PIEZO2: variants seen among roughly 807,000 people sequenced by gnomAD.
PIEZO2 encodes piezo type mechanosensitive ion channel component 2.
In PIEZO2, 172 loss-of-function variants were observed where a neutral mutation model predicts 337.3. The ratio of observed to expected loss-of-function variants is 0.51; its 90% confidence interval spans 0.45 to 0.58. The LOEUF (loss-of-function observed/expected upper bound fraction) is 0.58, where lower values mean the gene tolerates loss of function less well. Among genes scored for constraint, PIEZO2 ranks in the 20% least tolerant of loss-of-function variants. The probability of loss-of-function intolerance (pLI) is 0.00; values close to 1 mark genes in which losing one functional copy is unlikely to be tolerated. For missense variants in PIEZO2, 3,028 were observed against 3,391.3 expected, an observed-to-expected ratio of 0.89 and a Z score of 2.66; for synonymous variants, 1,251 against 1,228.5, an observed-to-expected ratio of 1.02 and a Z score of -0.38.
At chr18:11,134,819 G>T (rs2040435810) in intron 1 of PIEZO2, among the ~76,000 whole-genome samples, 1 of 152,044 alleles carries the variant, frequency 6.6e-6, no homozygotes, top group African/African-American at 2.4e-5. Flanking sequence ...AAATAAAAAT[G>T]TTTCCCAATA....
At chr18:11,034,683 G>T (rs1358816164) in intron 2 of PIEZO2, among the ~76,000 whole-genome samples, 1 of 152,176 alleles carries the variant, frequency 6.6e-6, no homozygotes, top group Non-Finnish European at 1.5e-5. Flanking sequence ...AGGGTTTTGT[G>T]TGCGTAAAAA....
At chr18:10,725,301 C>A in intron 36 of PIEZO2, 1 of 1,582,728 alleles carries the variant, frequency 6.3e-7, no homozygotes, top group Non-Finnish European at 8.7e-7. Context: ...TGGGTAAATA[C>A]AGCAGAAGGA....
chr18:10,757,303 T>C (rs1179476745), intron 27 of PIEZO2, among the ~76,000 whole-genome samples: 12 of 124,464 alleles, frequency 9.6e-5, no homozygotes, highest in Non-Finnish European at 1.7e-4. Flanking sequence ...AGAATGGGGA[T>C]GAGGGATTAA....
At chr18:11,005,481 T>C (rs887624298) in intron 2 of PIEZO2, among the ~76,000 whole-genome samples, 9 of 152,208 alleles carry the variant, frequency 5.9e-5, no homozygotes, top group African/African-American at 1.7e-4. Context: ...TTCACGCAGA[T>C]TGAGGTTCAG....
In PIEZO2 at chr18:10,920,757, G is replaced by A. The variant is rs556650005; in HGVS notation, c.287-9529C>T. On this transcript the variant is annotated intron_variant, in intron 3 of 55. Coordinates refer to ENST00000674853, the MANE Select transcript of PIEZO2 (RefSeq NM_001378183.1). ...GAACTACTTAAGACAACAAAAGGAG[G>A]TGTAAGAATGTGCAGGCCAGGCACG... 2.6e-5 allele frequency among the ~76,000 whole-genome samples: 4 copies of A among 152,252 alleles called. No individual in the cohort carries two copies. In the East Asian group the frequency reaches 5.8e-4, roughly 22 times the overall value.
intron 2 of PIEZO2, among the ~76,000 whole-genome samples, chr18:11,046,484 G>A (rs1211393820): frequency 6.6e-6 from 1 of 152,226 alleles, no homozygotes; most frequent in East Asian, 1.9e-4. Flanking sequence ...GCTAACTGGT[G>A]ATAAATAAGT....
In PIEZO2 at chr18:10,707,088, C is replaced by T. The variant is rs1250274392; in HGVS notation, c.5588+1187G>A. 2.6e-5 allele frequency among the ~76,000 whole-genome samples: 4 copies of T among 152,138 alleles called. No homozygotes were observed. Among genetic ancestry groups the T allele is most frequent in the East Asian group, 3.9e-4 (2 of 5,192 alleles). On this transcript the variant is annotated intron_variant, in intron 40 of 55. Coordinates refer to ENST00000674853, the MANE Select transcript of PIEZO2 (RefSeq NM_001378183.1). This position sits in a 1 kb window ranked among gnomAD's most constrained non-coding sequence, Gnocchi z 4.2. ...ATCCCCAGGGCTGTGTCCTTGAGTG[C>T]GCACATCATGTACGGGCTGGTGAAA... is the stretch of plus-strand genomic sequence containing the variant.
At chr18:10,785,032 C>T (rs1326045755) in intron 16 of PIEZO2, 75 bp from the exon 17 acceptor site, 3 of 1,413,242 alleles carry the variant, frequency 2.1e-6, no homozygotes, top group Non-Finnish European at 2.8e-6. Flanking sequence ...TGATAAACTA[C>T]ATCACAGTCT....
At chr18:11,121,178 G>C (rs962293395) in intron 1 of PIEZO2, among the ~76,000 whole-genome samples, 3 of 152,202 alleles carry the variant, frequency 2.0e-5, no homozygotes, top group Non-Finnish European at 4.4e-5. Context: ...CTTGAATCCA[G>C]GAGGTGGAGG....
rs542037448 is a variant in PIEZO2 at position 10,767,928 on chromosome 18, G to A, written c.2946+2220C>T. Among the ~76,000 whole-genome samples, 17 of 152,348 alleles carry A rather than the reference G, an allele frequency of 1.1e-4. No homozygotes were observed. In the East Asian group the frequency reaches 3.1e-3, roughly 28 times the overall value. On this transcript the variant is annotated intron_variant, in intron 21 of 55. Coordinates refer to ENST00000674853, the MANE Select transcript of PIEZO2 (RefSeq NM_001378183.1). The surrounding 1 kb of genome is among the most constrained non-coding windows in gnomAD (Gnocchi z 4.2). ...TTTACCCGCCAGTTGCCAGCCCAGA[G>A]CGTGAGGCCATCATGGGATGGCACA...
At chr18:11,045,529 T>C (rs1168850398) in intron 2 of PIEZO2, among the ~76,000 whole-genome samples, 1 of 152,192 alleles carries the variant, frequency 6.6e-6, no homozygotes, top group Admixed American at 6.5e-5. Context: ...ACACGAAATA[T>C]AAAAAATGTG....
chr18:10,781,998 C>T lies in PIEZO2; in HGVS notation c.2493-1632G>A, dbSNP rs996561012. On this transcript the variant is annotated intron_variant, in intron 17 of 55. Coordinates refer to ENST00000674853, the MANE Select transcript of PIEZO2 (RefSeq NM_001378183.1). This position sits in a 1 kb window ranked among gnomAD's most constrained non-coding sequence, Gnocchi z 4.1. ...TAATGTAGCCATTGTATTAGGACTC[C>T]AAGGACAAAAAATACTGTGAGGTGA... Among the ~76,000 whole-genome samples, 2 of 150,552 alleles carry T rather than the reference C, an allele frequency of 1.3e-5. No individual in the cohort carries two copies. Among genetic ancestry groups the T allele is most frequent in the African/African-American group, 2.4e-5 (1 of 40,868 alleles).
chr18:10,871,380 A>C lies in PIEZO2; in HGVS notation c.365T>G (p.Val122Gly). ...KGADAGNGIR[V>G]FVPDIGMFIA... The stretch of plus-strand genomic sequence containing the variant: ...GAACATCCCGATGTCAGGTACAAAC[A>C]CTCTGATCCCATTGCCAGCATCAGC... Residue 122 changes from valine to glycine, a missense_variant, in exon 5 of 56, where the codon GTG (valine) becomes GGG (glycine). By Grantham distance (109) the Val-to-Gly change is moderately radical (BLOSUM62 -3). Around this residue, in one of 5 missense-constraint regions of PIEZO2, gnomAD observed 542 missense variants for 605.6 expected, o/e 0.89. Transcript: ENST00000674853. 6.5e-7 allele frequency: 1 copy of C among 1,537,312 alleles called. No individual in the cohort carries two copies. The highest frequency in any genetic ancestry group is 8.7e-7 in the Non-Finnish European group (1 of 1,146,858).
In PIEZO2 at chr18:10,834,684, A is replaced by T. The variant is rs2040951792; in HGVS notation, c.917+20669T>A. Among the ~76,000 whole-genome samples, 1 of 152,176 alleles carries T rather than the reference A, an allele frequency of 6.6e-6. No homozygotes were observed. The highest frequency in any genetic ancestry group is 1.5e-5 in the Non-Finnish European group (1 of 68,036). ...CCAAAGCCGCAGGAGGCTAGATCAGAGAGGAAGCCTGGCCTGTCTGAACTC... is the reference window on the plus strand; with the variant it reads ...CCAAAGCCGCAGGAGGCTAGATCAGTGAGGAAGCCTGGCCTGTCTGAACTC... On this transcript the variant is annotated intron_variant, in intron 7 of 55. Coordinates refer to ENST00000674853, the MANE Select transcript of PIEZO2 (RefSeq NM_001378183.1). The surrounding 1 kb of genome is among the most constrained non-coding windows in gnomAD (Gnocchi z 4.5).
At chr18:11,063,604 A>G (rs925065565) in intron 2 of PIEZO2, among the ~76,000 whole-genome samples, 2 of 152,188 alleles carry the variant, frequency 1.3e-5, no homozygotes, top group African/African-American at 4.8e-5. Flanking sequence ...CCACGGAGCC[A>G]TGCTTACATG....
chr18:11,086,495 GGC>G lies in PIEZO2; in HGVS notation c.65-20275_65-20274del, dbSNP rs1379157043. 2.3e-3 allele frequency among the ~76,000 whole-genome samples: 338 copies of G among 146,566 alleles called. 2 individuals carry two copies. Among genetic ancestry groups the G allele is most frequent in the African/African-American group, 8.2e-3 (315 of 38,292 alleles). ...GATCCCGCCACTGCACTCCAGCCTG[GGC>G]AACAGAGCGAGACTCCGTCTCAAAA... On this transcript the variant is annotated intron_variant, in intron 1 of 55. Coordinates refer to ENST00000674853, the MANE Select transcript of PIEZO2 (RefSeq NM_001378183.1).
rs151295271 is a variant in PIEZO2, at chr18:10,876,953, A to C, written c.330-5538T>G. On this transcript the variant is annotated intron_variant, in intron 4 of 55. Transcript: ENST00000674853. ...ATTCCACCTCCATGCTGCATTTGAC[A>C]AGCAAGACCAACCCCTTCTACTCCC... 2.1e-3 allele frequency among the ~76,000 whole-genome samples: 324 copies of C among 152,232 alleles called. 1 individual carries two copies. The highest frequency in any genetic ancestry group is 7.3e-3 in the African/African-American group (304 of 41,546).
Position 11,077,612 on chromosome 18 carries a change from C to T in PIEZO2, c.65-11390G>A, listed in dbSNP as rs997084349. On this transcript the variant is annotated intron_variant, in intron 1 of 55. Transcript: ENST00000674853. The surrounding 1 kb of genome is among the most constrained non-coding windows in gnomAD (Gnocchi z 4.8). ...ATTGCTTGAGCCCAGGAGTTCGAGG[C>T]TGCAGTGAGCTGTGATCGCACCACT... 2.6e-5 allele frequency among the ~76,000 whole-genome samples: 4 copies of T among 152,144 alleles called. No homozygotes were observed. Among genetic ancestry groups the T allele is most frequent in the African/African-American group, 9.7e-5 (4 of 41,432 alleles).
At chr18:10,840,631 TAA>T (rs141692621) in intron 7 of PIEZO2, among the ~76,000 whole-genome samples, 173 of 147,550 alleles carry the variant, frequency 1.2e-3, no homozygotes, top group African/African-American at 4.2e-3. Flanking sequence ...CTTTTGACAA[TAA>T]AAAAAAAAGA....
Sources: gnomAD v4.1 joint callset for allele counts (sites outside exome capture counted in the v4.1 genomes callset) on GRCh38, gnomAD v4.1.1 for gene constraint, gnomAD v4.1.1 regional missense constraint, Gnocchi (gnomAD v3.1) non-coding constraint, MANE v1.5 for transcripts, NCBI Gene and HGNC (gene_info 2026-07-23, HGNC 2026-07-21) for gene names.